PCDH11X: variants seen among roughly 807,000 people sequenced by gnomAD.
The protein encoded by PCDH11X is protocadherin-11 X-linked.
A neutral mutation model predicts 53.3 loss-of-function variants in PCDH11X; 18 were observed. The ratio of observed to expected loss-of-function variants is 0.34; its 90% CI spans 0.23 to 0.50. The LOEUF (loss-of-function observed/expected upper bound fraction) is 0.50. PCDH11X is among the 20% of genes least tolerant of loss of function. The pLI is 0.98. For synonymous variants in PCDH11X, 279 were observed against 393.3 expected (o/e 0.71, Z 3.44); for missense variants, 570 against 1,032.4 (o/e 0.55, Z 6.14).
At chrX:92,595,360 T>A (rs768095613) in intron 10 of PCDH11X, among the ~76,000 whole-genome samples, 10 of 111,202 alleles carry the variant, frequency 9.0e-5, no homozygotes, top group African/African-American at 2.9e-4. Context: ...TGGCTACACT[T>A]AAAGGCTTTA....
chrX:92,152,323 A>G (rs1489504089), intron 6 of PCDH11X, among the ~76,000 whole-genome samples: 1 of 103,280 alleles, frequency 9.7e-6, no homozygotes, highest in Non-Finnish European at 2.0e-5. Context: ...TATTTTTAGT[A>G]TTAGTCAGAT....
intron 10 of PCDH11X, among the ~76,000 whole-genome samples, chrX:92,563,473 A>T (rs1457920179): frequency 9.3e-6 from 1 of 107,001 alleles, no homozygotes; most frequent in Non-Finnish European, 1.9e-5. Context: ...GCACATTCAA[A>T]TTATATCAAG....
intron 6 of PCDH11X, among the ~76,000 whole-genome samples, chrX:91,928,406 G>A (rs1222818327): frequency 9.8e-6 from 1 of 102,371 alleles, no homozygotes. Context: ...AATTTATTAG[G>A]CATGATGAGA....
At chrX:91,976,058 C>T (rs1008268863) in intron 6 of PCDH11X, among the ~76,000 whole-genome samples, 24 of 111,189 alleles carry the variant, frequency 2.2e-4, no homozygotes, top group Middle Eastern at 4.6e-3. Flanking sequence ...ATTTTCTTTT[C>T]GTTGTTGTTT....
chrX:92,585,696 G>T (rs1924314661), intron 10 of PCDH11X, among the ~76,000 whole-genome samples: 1 of 110,891 alleles, frequency 9.0e-6, no homozygotes, highest in Admixed American at 9.6e-5. Context: ...AGAATACTTT[G>T]AATCACTAAA....
intron 1 of PCDH11X, among the ~76,000 whole-genome samples, chrX:91,799,951 A>C (rs190296342): frequency 0.016 from 1,736 of 111,572 alleles, 32 homozygotes; most frequent in African/African-American, 0.054. Flanking sequence ...CATCCGGGCG[A>C]GGTGGCACAC....
intron 6 of PCDH11X, among the ~76,000 whole-genome samples, chrX:91,940,365 A>G (rs1304882887): frequency 8.9e-6 from 1 of 111,738 alleles, no homozygotes; most frequent in African/African-American, 3.2e-5. Flanking sequence ...GTATTATAAA[A>G]TAACTTAGCT....
At chrX:92,204,706 A>T (rs1304104029) in intron 7 of PCDH11X, among the ~76,000 whole-genome samples, 1 of 112,261 alleles carries the variant, frequency 8.9e-6, no homozygotes, top group Non-Finnish European at 1.9e-5. Flanking sequence ...TCAGCACCCC[A>T]CTACCTCAGT....
intron 6 of PCDH11X, among the ~76,000 whole-genome samples, chrX:92,012,205 T>C (rs2062704079): frequency 9.2e-6 from 1 of 109,227 alleles, no homozygotes. Context: ...TGTGGTTTTT[T>C]TTTTGTTTAA....
intron 6 of PCDH11X, among the ~76,000 whole-genome samples, chrX:91,997,344 G>A (rs2062437209): frequency 9.0e-6 from 1 of 110,998 alleles, no homozygotes; most frequent in South Asian, 3.7e-4. Context: ...AATGTTAGCT[G>A]TGGGTTTGTC....
chrX:92,596,203 C>T (rs1420582986), intron 10 of PCDH11X, among the ~76,000 whole-genome samples: 3 of 112,354 alleles, frequency 2.7e-5, no homozygotes, highest in African/African-American at 6.5e-5. Context: ...TTTTGTCATA[C>T]ACCAGTGAGT....
intron 6 of PCDH11X, among the ~76,000 whole-genome samples, chrX:92,011,470 C>A (rs2062690234): frequency 8.9e-6 from 1 of 112,182 alleles, no homozygotes. Context: ...TCACTTAATT[C>A]AATGTAAAAT....
chrX:92,413,730 G>T (rs1297477450), intron 9 of PCDH11X, among the ~76,000 whole-genome samples: 2 of 109,681 alleles, frequency 1.8e-5, no homozygotes, highest in African/African-American at 6.7e-5. Context: ...TACTTAAAGG[G>T]TCGGAAGAAT....
At chrX:92,550,700 G>T (rs2074937863) in intron 10 of PCDH11X, among the ~76,000 whole-genome samples, 1 of 107,893 alleles carries the variant, frequency 9.3e-6, no homozygotes, top group Non-Finnish European at 1.9e-5. Context: ...AACTATTTTT[G>T]CACTCATTAA....
intron 6 of PCDH11X, among the ~76,000 whole-genome samples, chrX:91,901,228 C>T (rs1378404051): frequency 9.0e-6 from 1 of 111,656 alleles, no homozygotes; most frequent in African/African-American, 3.3e-5. Context: ...CATTATGCCC[C>T]TTCTTCACCA....
chrX:92,401,209 T>C (rs1307952230), intron 9 of PCDH11X, among the ~76,000 whole-genome samples: 1 of 106,242 alleles, frequency 9.4e-6, no homozygotes, highest in Non-Finnish European at 1.9e-5. Flanking sequence ...ATTGATAATG[T>C]GTCATTGCAA....
At chrX:92,519,000 G>A (rs34954481) in intron 10 of PCDH11X, among the ~76,000 whole-genome samples, 2 of 109,656 alleles carry the variant, frequency 1.8e-5, no homozygotes, top group South Asian at 3.9e-4. Context: ...CTCGTGATCC[G>A]CCTTCATCAG....
At chrX:91,882,598 A>T (rs1939965746) in intron 6 of PCDH11X, among the ~76,000 whole-genome samples, 1 of 110,135 alleles carries the variant, frequency 9.1e-6, no homozygotes, top group Non-Finnish European at 1.9e-5. Flanking sequence ...AAAACCTTAC[A>T]AGTTTCTGTG....
intron 6 of PCDH11X, among the ~76,000 whole-genome samples, chrX:92,085,819 G>A (rs2063940812): frequency 9.0e-6 from 1 of 111,077 alleles, no homozygotes; most frequent in African/African-American, 3.3e-5. Context: ...AAACACCATT[G>A]CAGACATATT....
Sources: allele counts gnomAD v4.1 joint callset (sites outside exome capture counted in the v4.1 genomes callset), GRCh38; gene constraint gnomAD v4.1.1; transcripts MANE v1.5; gene names NCBI Gene and HGNC (gene_info 2026-07-23, HGNC 2026-07-21).